The following NIM1K variants were observed in gnomAD, a reference collection of about 807,000 sequenced individuals.
The protein encoded by NIM1K is serine/threonine-protein kinase NIM1.
NIM1K carries 35 observed loss-of-function variants against 37.1 expected under a neutral mutation model. The observed-to-expected ratio is 0.94, with a 90% CI of 0.72 to 1.25. The LOEUF (loss-of-function observed/expected upper bound fraction) is 1.25, where lower values mean the gene tolerates loss of function less well. NIM1K is among the 50% of genes most tolerant of loss of function. The pLI is 0.00. For missense variants in NIM1K, 564 were observed against 548.0 expected, an observed-to-expected ratio of 1.03 and a Z score of -0.29; for synonymous variants, 234 against 206.6, an observed-to-expected ratio of 1.13 and a Z score of -1.14.
At position 43,245,932 on chromosome 5, in the gene NIM1K, C is replaced by G; in HGVS notation, c.157C>G (p.Gln53Glu). Residue 53 changes from glutamine to glutamate, a missense_variant, in exon 2 of 4, where the codon CAG becomes GAG. Gln to Glu is a conservative substitution (Grantham distance 29). Transcript: ENST00000326035. ...RQLTPFEKLT[Q>E]DMSQDEKVVR... ...GCTGACGCCCTTCGAGAAACTGACA[C>G]AGGACATGTCCCAGGATGAGAAGGT... is the stretch of plus-strand genomic sequence containing the variant. 6.2e-7 allele frequency: 1 copy of G among 1,614,116 alleles called. No homozygotes were observed.
At chr5:43,231,716 T>C in intron 1 of NIM1K, 1 of 697,384 alleles carries the variant, frequency 1.4e-6, no homozygotes, top group Non-Finnish European at 2.4e-6. Context: ...GAGCATACAC[T>C]GCTACATAAA....
intron 1 of NIM1K, among the ~76,000 whole-genome samples, chr5:43,231,609 A>G (rs1377550610): frequency 1.3e-5 from 2 of 152,134 alleles, no homozygotes; most frequent in Non-Finnish European, 2.9e-5. Context: ...AAAAACATTT[A>G]TTATTATTAT....
chr5:43,252,598 AC>A (rs1752881466), intron 2 of NIM1K, among the ~76,000 whole-genome samples: 1 of 151,710 alleles, frequency 6.6e-6, no homozygotes, highest in African/African-American at 2.4e-5. Context: ...ATAAAGAAAT[AC>A]AAAGCACCAA....
intron 1 of NIM1K, among the ~76,000 whole-genome samples, chr5:43,227,782 G>A (rs955194774): frequency 6.6e-6 from 1 of 152,102 alleles, no homozygotes; most frequent in Non-Finnish European, 1.5e-5. Flanking sequence ...GGTCCAGAAG[G>A]GGGCAATGTG....
chr5:43,279,997 T>C lies in NIM1K; in HGVS notation c.579T>C (p.Ile193=), dbSNP rs1229466911. The C allele has an allele frequency of 6.2e-7, 1 of 1,610,072 alleles. No individual in the cohort carries two copies. Among genetic ancestry groups the C allele is most frequent in the Admixed American group, 1.7e-5 (1 of 59,894 alleles). The part of the protein sequence containing the change: ...AVKHMHENQI[I]HRDLKAENVF... ...TTCCACAGCATGAAAACCAAATTAT[T>C]CATAGAGATCTGAAAGCAGAAAATG... is the stretch of plus-strand genomic sequence containing the variant. Residue 193 remains isoleucine (I), a synonymous_variant, in exon 4 of 4, where the codon ATT becomes ATC. Transcript: ENST00000326035.
intron 2 of NIM1K, among the ~76,000 whole-genome samples, chr5:43,247,525 GT>G (rs1752801182): frequency 6.6e-6 from 1 of 152,216 alleles, no homozygotes; most frequent in Non-Finnish European, 1.5e-5. Flanking sequence ...TACAGCCATA[GT>G]TTTCAACTGA....
intron 1 of NIM1K, chr5:43,206,637 C>G (rs920898584): frequency 6.0e-6 from 4 of 670,632 alleles, no homozygotes; most frequent in Non-Finnish European, 1.1e-5. Context: ...CACTCCCTGC[C>G]TGCTGCAGCC....
chr5:43,207,807 C>A, intron 1 of NIM1K: 1 of 397,362 alleles, frequency 2.5e-6, no homozygotes. Flanking sequence ...AAAGCTAAAC[C>A]TTAAAGATGA....
Position 43,245,787 on chromosome 5 carries a change from G to A in NIM1K, c.12G>A (p.Val4=). Residue 4 remains valine (V), a synonymous_variant, in exon 2 of 4, where the codon GTG becomes GTA. Coordinates refer to ENST00000326035, the MANE Select transcript of NIM1K (RefSeq NM_153361.4). MTA[V]YMNGGGLVNP... ...AGCCCCCGTGGACGATGACTGCAGT[G>A]TATATGAATGGAGGTGGCCTGGTGA... is the stretch of plus-strand genomic sequence containing the variant. 3.1e-6 allele frequency: 5 copies of A among 1,604,740 alleles called. No homozygotes were observed. The highest frequency in any genetic ancestry group is 4.3e-6 in the Non-Finnish European group (5 of 1,174,680).
intron 2 of NIM1K, among the ~76,000 whole-genome samples, chr5:43,269,840 G>A (rs375417062): frequency 4.6e-5 from 7 of 152,128 alleles, no homozygotes; most frequent in Middle Eastern, 3.4e-3. Flanking sequence ...GGATGGTCTC[G>A]ATCTCCTGAC....
intron 2 of NIM1K, among the ~76,000 whole-genome samples, chr5:43,267,555 G>C (rs118118302): frequency 1.3e-5 from 2 of 152,224 alleles, no homozygotes; most frequent in East Asian, 3.9e-4. Flanking sequence ...GTGTCAAGTT[G>C]TGATCTTTCA....
chr5:43,214,579 G>T (rs907416472), intron 1 of NIM1K, among the ~76,000 whole-genome samples: 10 of 151,384 alleles, frequency 6.6e-5, no homozygotes, highest in African/African-American at 2.4e-4. Context: ...ACTTTGGGAG[G>T]CCGAAGCGGG....
At position 43,235,677 on chromosome 5, in the gene NIM1K, G is replaced by A. The variant is rs151242077; in HGVS notation, c.-694-9405G>A. On this transcript the variant is annotated intron_variant, in intron 1 of 3. Coordinates refer to ENST00000326035, the MANE Select transcript of NIM1K (RefSeq NM_153361.4). The stretch of plus-strand genomic sequence containing the variant: ...AAATGTATTCAGTAAGGATGAATTA[G>A]ATGGTTAAATAAACTTGGGGACCAC... Among the ~76,000 whole-genome samples the A allele has an allele frequency of 5.3e-3, 804 of 152,328 alleles. 2 individuals are homozygous for A. The highest frequency in any genetic ancestry group is 0.019 in the African/African-American group (770 of 41,572).
intron 1 of NIM1K, among the ~76,000 whole-genome samples, chr5:43,200,402 G>A (rs766227596): frequency 1.3e-5 from 2 of 152,092 alleles, no homozygotes; most frequent in African/African-American, 4.8e-5. Context: ...CCAGGTTCAC[G>A]CCATTCTCCT....
chr5:43,196,636 AAAAT>A lies in NIM1K; in HGVS notation c.-695+4245_-695+4248del, dbSNP rs374709704. On this transcript the variant is annotated intron_variant, in intron 1 of 3. Coordinates refer to ENST00000326035, the MANE Select transcript of NIM1K (RefSeq NM_153361.4). ...GGCGACAGAGCGAGACTCTGTCTCAAAAATAAATAAATAAATAAATAAAAAATAA... is the reference window on the plus strand; with the variant it reads ...GGCGACAGAGCGAGACTCTGTCTCAAAAATAAATAAATAAATAAAAAATAA... 3.5e-3 allele frequency among the ~76,000 whole-genome samples: 532 copies of A among 151,704 alleles called. 1 individual carries two copies. Among genetic ancestry groups the A allele is most frequent in the African/African-American group, 0.012 (511 of 41,186 alleles).
chr5:43,231,454 A>G (rs901645345), intron 1 of NIM1K, among the ~76,000 whole-genome samples: 1 of 152,212 alleles, frequency 6.6e-6, no homozygotes, highest in Non-Finnish European at 1.5e-5. Flanking sequence ...CCCTGCAAGC[A>G]TCATAATATT....
At chr5:43,194,101 C>T (rs1324117642) in intron 1 of NIM1K, among the ~76,000 whole-genome samples, 1 of 152,166 alleles carries the variant, frequency 6.6e-6, no homozygotes, top group African/African-American at 2.4e-5. Flanking sequence ...TCATGCTGCC[C>T]AGCTCTCTTC....
chr5:43,244,787 T>A lies in NIM1K; in HGVS notation c.-694-295T>A, dbSNP rs138587939. On this transcript the variant is annotated intron_variant, in intron 1 of 3. Coordinates refer to ENST00000326035, the MANE Select transcript of NIM1K (RefSeq NM_153361.4). ...TATCATATTATTTTTAAAATTTGGT[T>A]TTAAAGCAACACAAGGCAATGTGCA... Among the ~76,000 whole-genome samples, 434 of 152,338 alleles carry A rather than the reference T, an allele frequency of 2.8e-3. 2 individuals are homozygous for A. The highest frequency in any genetic ancestry group is 0.01 in the African/African-American group (422 of 41,574).
At chr5:43,215,033 AGTTTTCTGC>A (rs1752280414) in intron 1 of NIM1K, among the ~76,000 whole-genome samples, 1 of 152,146 alleles carries the variant, frequency 6.6e-6, no homozygotes, top group African/African-American at 2.4e-5. Context: ...ATCTTTTTGT[AGTTTTCTGC>A]ATTTAAATAA....
Sources: allele counts gnomAD v4.1 joint callset (sites outside exome capture counted in the v4.1 genomes callset), GRCh38; gene constraint gnomAD v4.1.1; transcripts MANE v1.5; gene names NCBI Gene and HGNC (gene_info 2026-07-23, HGNC 2026-07-21).